Variants in EPB41L3 observed in about 807,000 individuals in gnomAD.
The protein encoded by EPB41L3 is band 4.1-like protein 3.
Under a neutral mutation model 127.1 loss-of-function variants are expected in EPB41L3, and 57 were observed. The ratio of observed to expected loss-of-function variants is 0.45; its 90% CI spans 0.36 to 0.56. The LOEUF is 0.56. EPB41L3 is among the 20% of genes least tolerant of loss of function. The pLI is 0.00. For missense variants in EPB41L3, 1,273 were observed against 1,372.2 expected (o/e 0.93, Z 1.14); for synonymous variants, 572 against 549.5 (o/e 1.04, Z -0.57).
chr18:5,580,253 G>A (rs1238765767), intron 3 of EPB41L3, among the ~76,000 whole-genome samples: 2 of 152,038 alleles, frequency 1.3e-5, no homozygotes, highest in Admixed American at 1.3e-4. Flanking sequence ...ATAGACATGT[G>A]TATAGATACA....
chr18:5,538,282 C>T lies in EPB41L3; in HGVS notation c.-12+5631G>A, dbSNP rs181385455. On this transcript the variant is annotated intron_variant, in intron 1 of 22. Transcript: ENST00000341928. ...CACACAATATCAACTTGGGTCACCA[C>T]GAGCACTAGAAATGTATCACTTAAG... Among the ~76,000 whole-genome samples, 391 of 152,236 alleles carry T rather than the reference C, an allele frequency of 2.6e-3. 2 individuals are homozygous for T. The highest frequency in any genetic ancestry group is 9.0e-3 in the African/African-American group (373 of 41,504).
In EPB41L3 at chr18:5,433,993, C is replaced by T. The variant is rs1555678921; in HGVS notation, c.734G>A (p.Cys245Tyr). 3.1e-6 allele frequency: 5 copies of T among 1,614,156 alleles called. No individual in the cohort carries two copies. In the South Asian group the frequency reaches 3.3e-5, roughly 11 times the overall value. ...SELGDYDPDE[C>Y]GSDYISEFRF... ...GAACTCACTAATGTAATCGCTCCCA[C>T]ATTCATCTGGGTCATAGTCTCCGAG... Residue 245 changes from cysteine to tyrosine, a missense_variant, in exon 7 of 23, where the codon TGT becomes TAT. Cys to Tyr is a radical substitution (Grantham distance 194). This residue lies in a region of EPB41L3 where 326 missense variants were observed against 440.2 expected (regional missense o/e 0.74). Transcript: ENST00000341928.
chr18:5,521,935 A>G (rs1623777), intron 1 of EPB41L3, among the ~76,000 whole-genome samples: 39,583 of 152,076 alleles, frequency 0.26, 5,702 homozygotes, highest in African/African-American at 0.39. Flanking sequence ...TGATAATCTC[A>G]ACACTAGCCA....
intron 3 of EPB41L3, among the ~76,000 whole-genome samples, chr18:5,458,822 G>A (rs78931856): frequency 0.027 from 4,079 of 152,204 alleles, 85 homozygotes; most frequent in South Asian, 0.09. Flanking sequence ...AACTGGGCAC[G>A]TATTTTGCTT....
chr18:5,546,523 C>T (rs919364162), upstream of EPB41L3, among the ~76,000 whole-genome samples: 1 of 152,012 alleles, frequency 6.6e-6, no homozygotes, highest in African/African-American at 2.4e-5. Context: ...GAGAGAGACT[C>T]GTCTCAAAAA....
chr18:5,587,970 T>G (rs780679304), intron 3 of EPB41L3, among the ~76,000 whole-genome samples: 10 of 152,112 alleles, frequency 6.6e-5, no homozygotes, highest in Non-Finnish European at 1.5e-4. Context: ...AAGAGTAAAA[T>G]GCAGATCAGA....
At chr18:5,622,814 T>C (rs1338543419) in intron 1 of EPB41L3, among the ~76,000 whole-genome samples, 1 of 152,202 alleles carries the variant, frequency 6.6e-6, no homozygotes, top group Non-Finnish European at 1.5e-5. Context: ...GAAAGAAGTA[T>C]GTTTTTTACT....
At chr18:5,514,534 A>G (rs2092675602) in intron 1 of EPB41L3, among the ~76,000 whole-genome samples, 1 of 149,706 alleles carries the variant, frequency 6.7e-6, no homozygotes, top group African/African-American at 2.5e-5. Flanking sequence ...TTTACAAGAC[A>G]AGTCCACAAA....
intron 1 of EPB41L3, among the ~76,000 whole-genome samples, chr18:5,507,938 A>G (rs2092307608): frequency 6.6e-6 from 1 of 152,222 alleles, no homozygotes; most frequent in Non-Finnish European, 1.5e-5. Flanking sequence ...AGTAGCATCT[A>G]TCACTTTTGT....
At chr18:5,430,869 G>A (rs1350493822) in intron 8 of EPB41L3, among the ~76,000 whole-genome samples, 1 of 151,944 alleles carries the variant, frequency 6.6e-6, no homozygotes, top group Non-Finnish European at 1.5e-5. Flanking sequence ...GAAATCTTTG[G>A]TTTTAAAAGT....
In EPB41L3 at chr18:5,434,925, G is replaced by A. The variant is rs918044392; in HGVS notation, c.606-804C>T. ...ATCCTAGGAGATGACAGCTTCATGTGTGTTACTGTCCCTGAAGACCTTCCA... is the reference window on the plus strand; with the variant it reads ...ATCCTAGGAGATGACAGCTTCATGTATGTTACTGTCCCTGAAGACCTTCCA... On this transcript the variant is annotated intron_variant, in intron 6 of 22. Transcript: ENST00000341928. Among the ~76,000 whole-genome samples, 3 of 152,198 alleles carry A rather than the reference G, an allele frequency of 2.0e-5. No individual in the cohort carries two copies. The South Asian group carries it at 6.2e-4, about 32-fold the overall frequency.
intron 3 of EPB41L3, among the ~76,000 whole-genome samples, chr18:5,447,190 TGAC>T (rs1458457408): frequency 3.3e-5 from 5 of 152,228 alleles, no homozygotes; most frequent in African/African-American, 1.2e-4. Flanking sequence ...TTGGAATGGA[TGAC>T]ATTAAAATCA....
At chr18:5,598,760 A>G (rs940790440) in intron 3 of EPB41L3, among the ~76,000 whole-genome samples, 2 of 152,202 alleles carry the variant, frequency 1.3e-5, no homozygotes, top group African/African-American at 2.4e-5. Context: ...CTGCCTTGTC[A>G]ATTAACACTA....
chr18:5,629,108 G>C (rs1316424258), upstream of EPB41L3: 4 of 152,258 alleles, frequency 2.6e-5, no homozygotes. Flanking sequence ...GCCGAGCCAC[G>C]GGAAGATGCA....
At chr18:5,561,086 T>C (rs9947618) in intron 3 of EPB41L3, among the ~76,000 whole-genome samples, 5,197 of 135,500 alleles carry the variant, frequency 0.038, 350 homozygotes, top group African/African-American at 0.078. Context: ...CACGCCATTC[T>C]CCTGCCTCAG....
chr18:5,543,777 G>A lies in EPB41L3; in HGVS notation c.-12+136C>T, dbSNP rs866025834. On this transcript the variant is annotated intron_variant, in intron 1 of 22. Transcript: ENST00000341928. The surrounding 1 kb of genome is among the most constrained non-coding windows in gnomAD (Gnocchi z 5.2). ...GCCGGGCGCGGGGCTCGGGATTCGG[G>A]AGACCGCGCGGCGCCGAAGCCACGC... The A allele has an allele frequency of 1.4e-6, 1 of 706,778 alleles. No individual in the cohort carries two copies. The highest frequency in any genetic ancestry group is 1.9e-5 in the African/African-American group (1 of 51,634). 43.8% of individuals were successfully genotyped at this position (706,778 alleles called of 1,614,324 possible).
intron 3 of EPB41L3, among the ~76,000 whole-genome samples, chr18:5,588,122 AAC>A (rs1431513630): frequency 6.6e-6 from 1 of 152,148 alleles, no homozygotes; most frequent in Non-Finnish European, 1.5e-5. Flanking sequence ...TAATAAATCT[AAC>A]ACTGGCAGAA....
chr18:5,400,652 A>G, intron 16 of EPB41L3: 1 of 485,542 alleles, frequency 2.1e-6, no homozygotes, highest in East Asian at 5.9e-5. Flanking sequence ...CTTCATCTAA[A>G]TTAGCACGAC....
rs1461592162 is a variant in EPB41L3, at chr18:5,416,171, C to T, written c.1714G>A (p.Ala572Thr). 1 of 1,613,894 alleles carries T rather than the reference C, an allele frequency of 6.2e-7. No individual in the cohort carries two copies. The highest frequency in any genetic ancestry group is 8.5e-7 in the Non-Finnish European group (1 of 1,179,954). The change falls in exon 13 of 23, where the codon GCT (alanine) becomes ACT (threonine). Residue 572 changes from alanine (A) to threonine (T), a missense_variant. Physicochemically the swap from Ala to Thr is moderately conservative, Grantham distance 58. Around this residue, in one of 3 missense-constraint regions of EPB41L3, gnomAD observed 765 missense variants for 782.9 expected, o/e 0.98. Transcript: ENST00000341928. ...GRPYLGDQDV[A>T]FSYRQQTGKG... is the part of the protein sequence containing the mutation. Reference sequence around the variant, plus strand: ...CCAGTTTGCTGTCTGTAGCTAAAAGCCACATCTTGATCCCCTAGGTAAGGC... The same window carrying T: ...CCAGTTTGCTGTCTGTAGCTAAAAGTCACATCTTGATCCCCTAGGTAAGGC...
Sources: gnomAD v4.1 joint callset for allele counts (sites outside exome capture counted in the v4.1 genomes callset) on GRCh38, gnomAD v4.1.1 for gene constraint, gnomAD v4.1.1 regional missense constraint, Gnocchi (gnomAD v3.1) non-coding constraint, MANE v1.5 for transcripts, NCBI Gene and HGNC (gene_info 2026-07-23, HGNC 2026-07-21) for gene names.